CYRIB: variants seen among roughly 807,000 people sequenced by gnomAD.
The protein encoded by CYRIB is CYFIP-related Rac1 interactor B.
In CYRIB, 8 loss-of-function variants were observed where a neutral mutation model predicts 44.2. The observed-to-expected ratio is 0.18, with a 90% CI of 0.11 to 0.33. CYRIB has a LOEUF of 0.33. Among genes scored for constraint, CYRIB ranks in the 10% least tolerant of loss-of-function variants. CYRIB has a pLI of 1.00. For synonymous variants in CYRIB, 131 were observed against 127.2 expected, an observed-to-expected ratio of 1.03 and a Z score of -0.20; for missense variants, 185 against 382.8, an observed-to-expected ratio of 0.48 and a Z score of 4.31.
At chr8:129,942,408 T>A (rs1224524327), upstream of CYRIB, among the ~76,000 whole-genome samples, 1 of 152,218 alleles carries the variant, frequency 6.6e-6, no homozygotes, top group Non-Finnish European at 1.5e-5. Flanking sequence ...ACATGCACCT[T>A]TCTCCTTAGC....
chr8:129,910,622 A>T (rs552040957), intron 1 of CYRIB, among the ~76,000 whole-genome samples: 2 of 151,816 alleles, frequency 1.3e-5, no homozygotes, highest in African/African-American at 4.8e-5. Context: ...ACATAGCAAG[A>T]CCATATACAC....
chr8:129,983,659 G>A (rs1315012013), intron 1 of CYRIB, among the ~76,000 whole-genome samples: 1 of 152,186 alleles, frequency 6.6e-6, no homozygotes, highest in Admixed American at 6.5e-5. Context: ...GCCAGTCCCA[G>A]AGCAGGGACC....
intron 2 of CYRIB, among the ~76,000 whole-genome samples, chr8:129,896,008 T>C (rs1020261453): frequency 2.6e-5 from 4 of 152,242 alleles, no homozygotes; most frequent in Non-Finnish European, 5.9e-5. Flanking sequence ...TTTTTATACA[T>C]AGATTTTTCT....
In CYRIB at chr8:129,871,538, A is replaced by T. The variant is rs558185999; in HGVS notation, c.74-42T>A. 168 of 1,596,688 alleles carry T rather than the reference A, an allele frequency of 1.1e-4. No homozygotes were observed. The East Asian group carries it at 3.7e-3, about 36-fold the overall frequency. ...CACAAGAAAATTTACAGTGACATGAATTTTTTAAAATACATGTGTAACTCT... is the reference window on the plus strand; with the variant it reads ...CACAAGAAAATTTACAGTGACATGATTTTTTTAAAATACATGTGTAACTCT... On this transcript the variant is annotated intron_variant, in intron 3 of 11. Coordinates refer to ENST00000519824, the Ensembl canonical transcript of CYRIB.
intron 1 of CYRIB, among the ~76,000 whole-genome samples, chr8:130,002,455 AAGAAG>A (rs1440795153): frequency 1.3e-5 from 2 of 152,126 alleles, no homozygotes; most frequent in East Asian, 3.8e-4. Flanking sequence ...AAGAGAAGAA[AAGAAG>A]AGGAGACTCT....
intron 1 of CYRIB, among the ~76,000 whole-genome samples, chr8:129,993,670 T>C (rs1007550677): frequency 2.0e-5 from 3 of 151,422 alleles, no homozygotes; most frequent in Non-Finnish European, 4.4e-5. Flanking sequence ...GCATTCCAGC[T>C]TGGGCGACAG....
chr8:129,901,799 C>T (rs1010782505), intron 2 of CYRIB: 11 of 152,270 alleles, frequency 7.2e-5, no homozygotes, highest in East Asian at 5.8e-4. Context: ...AATTTTTGCA[C>T]ACAACATCTA....
chr8:129,918,469 C>A (rs1471561511), intron 1 of CYRIB, among the ~76,000 whole-genome samples: 1 of 152,140 alleles, frequency 6.6e-6, no homozygotes, highest in African/African-American at 2.4e-5. Context: ...ATAATACTTG[C>A]ATATATAAAA....
At chr8:129,978,974 C>T (rs571891129) in intron 1 of CYRIB, among the ~76,000 whole-genome samples, 2 of 152,026 alleles carry the variant, frequency 1.3e-5, no homozygotes, top group African/African-American at 4.8e-5. Flanking sequence ...CCATCTCGTA[C>T]TAAAAATACC....
At chr8:130,015,957 G>T (rs2097332430) in intron 1 of CYRIB, among the ~76,000 whole-genome samples, 1 of 151,966 alleles carries the variant, frequency 6.6e-6, no homozygotes. Flanking sequence ...CGCTGCTCCC[G>T]GGGTCAGTCC....
intron 2 of CYRIB, among the ~76,000 whole-genome samples, chr8:129,887,901 C>T (rs141042039): frequency 5.3e-5 from 8 of 152,284 alleles, no homozygotes; most frequent in Admixed American, 2.6e-4. Context: ...ATTTTAAAGA[C>T]TCATAGGTGG....
chr8:129,926,128 C>T (rs1208510698), intron 1 of CYRIB, among the ~76,000 whole-genome samples: 1 of 152,124 alleles, frequency 6.6e-6, no homozygotes, highest in African/African-American at 2.4e-5. Context: ...TACAAGAGTT[C>T]CACCCATTTT....
rs533867682 is a variant in CYRIB at position 129,967,094 on chromosome 8, G to A, written c.-243+3849C>T. On this transcript the variant is annotated intron_variant, in intron 2 of 14. Coordinates refer to the CYRIB transcript ENST00000401979. ...TGCACTCAAGCCTGGGCAACAGAGC[G>A]AGGCCCTACCTCAAAAATAAAAAAA... Among the ~76,000 whole-genome samples the A allele has an allele frequency of 3.5e-4, 54 of 152,240 alleles. No individual in the cohort carries two copies. The South Asian group carries it at 0.01, about 29-fold the overall frequency.
intron 1 of CYRIB, among the ~76,000 whole-genome samples, chr8:129,918,518 T>C (rs1486683439): frequency 6.6e-6 from 1 of 152,244 alleles, no homozygotes; most frequent in African/African-American, 2.4e-5. Flanking sequence ...CACCAAAGTA[T>C]TGTTACAGAC....
chr8:129,862,343 T>C lies in CYRIB; in HGVS notation c.196-9A>G. 2 of 1,582,264 alleles carry C rather than the reference T, an allele frequency of 1.3e-6. No individual in the cohort carries two copies. Among genetic ancestry groups the C allele is most frequent in the Non-Finnish European group, 1.7e-6 (2 of 1,164,406 alleles). ...GCTGGATGCTGGATTGCCTTCAAAA[T>C]CCAAAGAATAAAAATAGTTAGAGTT... On this transcript the variant is annotated splice_polypyrimidine_tract_variant and intron_variant, in intron 4 of 11. Transcript: ENST00000519824.
chr8:129,943,974 G>T (rs1287789885), upstream of CYRIB, among the ~76,000 whole-genome samples: 1 of 151,196 alleles, frequency 6.6e-6, no homozygotes, highest in Non-Finnish European at 1.5e-5. Flanking sequence ...AAGGGGAAAG[G>T]GCCAAGGAGA....
At chr8:129,907,314 G>C (rs184962830) in intron 1 of CYRIB, among the ~76,000 whole-genome samples, 1 of 151,912 alleles carries the variant, frequency 6.6e-6, no homozygotes, top group Admixed American at 6.5e-5. Context: ...GGATGAAGCT[G>C]GAAATCATCA....
At chr8:129,864,319 C>A (rs970415102) in intron 4 of CYRIB, among the ~76,000 whole-genome samples, 2 of 152,220 alleles carry the variant, frequency 1.3e-5, no homozygotes, top group African/African-American at 4.8e-5. Flanking sequence ...CTCAAAGAGA[C>A]CTTGATATGC....
chr8:129,884,366 G>A lies in CYRIB; in HGVS notation c.-10-4895C>T, dbSNP rs945024002. 2.6e-5 allele frequency among the ~76,000 whole-genome samples: 4 copies of A among 152,100 alleles called. No individual in the cohort carries two copies. The East Asian group carries it at 7.7e-4, about 29-fold the overall frequency. On this transcript the variant is annotated intron_variant, in intron 2 of 11. Coordinates refer to ENST00000519824, the Ensembl canonical transcript of CYRIB. The stretch of plus-strand genomic sequence containing the variant: ...TGCAATGGTACAATCTCGGCTCACT[G>A]CAACCTTCGCCTCCCAGGTTCAAGT...
Sources: gnomAD v4.1 joint callset for allele counts (sites outside exome capture counted in the v4.1 genomes callset) on GRCh38, gnomAD v4.1.1 for gene constraint, MANE v1.5 for transcripts, NCBI Gene and HGNC (gene_info 2026-07-23, HGNC 2026-07-21) for gene names.